MTCL1: variants seen among roughly 807,000 people sequenced by gnomAD.
MTCL1 encodes the protein microtubule cross-linking factor 1.
A neutral mutation model predicts 141.4 loss-of-function variants in MTCL1; 79 were observed. The ratio of observed to expected loss-of-function variants is 0.56; its 90% CI spans 0.47 to 0.67. The LOEUF (loss-of-function observed/expected upper bound fraction) is 0.67, where lower values mean the gene tolerates loss of function less well. Among genes scored for constraint, MTCL1 ranks in the 30% least tolerant of loss-of-function variants. The probability of loss-of-function intolerance (pLI) is 0.00; values close to 1 mark genes in which losing one functional copy is unlikely to be tolerated. For synonymous variants in MTCL1, 914 were observed against 875.8 expected (o/e 1.04, Z -0.77); for missense variants, 2,177 against 2,113.9 (o/e 1.03, Z -0.59).
intron 5 of MTCL1, among the ~76,000 whole-genome samples, chr18:8,778,988 G>A (rs543319981): frequency 5.3e-5 from 8 of 152,316 alleles, no homozygotes; most frequent in African/African-American, 1.4e-4. Context: ...GCGTTGAGCC[G>A]CCCACCCAGC....
At chr18:8,787,606 C>A (rs542255299) in intron 7 of MTCL1, among the ~76,000 whole-genome samples, 78 of 152,360 alleles carry the variant, frequency 5.1e-4, no homozygotes, top group African/African-American at 1.8e-3. Flanking sequence ...CATCTAGTTT[C>A]TTTTAATTTT....
intron 4 of MTCL1, among the ~76,000 whole-genome samples, chr18:8,755,501 A>G (rs925999475): frequency 6.6e-6 from 1 of 152,062 alleles, no homozygotes; most frequent in African/African-American, 2.4e-5. Context: ...TCCCAGGAGC[A>G]CTTCAGGGAC....
chr18:8,799,938 G>A (rs1280676048), intron 10 of MTCL1, among the ~76,000 whole-genome samples: 1 of 152,228 alleles, frequency 6.6e-6, no homozygotes, highest in East Asian at 1.9e-4. Flanking sequence ...CGAAAGTGGA[G>A]ATGGACCCGT....
exon 1 of MTCL1, chr18:8,706,552 G>A: frequency 7.1e-7 from 1 of 1,399,278 alleles, no homozygotes; most frequent in Non-Finnish European, 9.3e-7. Context: ...GGGGCCCGGC[G>A]TGGCGGAGGA....
At chr18:8,745,130 A>G (rs886795417) in intron 4 of MTCL1, among the ~76,000 whole-genome samples, 4 of 152,248 alleles carry the variant, frequency 2.6e-5, no homozygotes, top group African/African-American at 9.6e-5. Flanking sequence ...CATTATTTTT[A>G]TGATTAAAAA....
intron 12 of MTCL1, among the ~76,000 whole-genome samples, chr18:8,815,473 G>C (rs1428722107): frequency 1.3e-5 from 2 of 152,012 alleles, no homozygotes; most frequent in Non-Finnish European, 2.9e-5. Flanking sequence ...ACTGTTGTGG[G>C]GTGCGGGGAG....
chr18:8,709,394 A>G (rs958794273), intron 1 of MTCL1, among the ~76,000 whole-genome samples: 1 of 152,044 alleles, frequency 6.6e-6, no homozygotes, highest in Non-Finnish European at 1.5e-5. Flanking sequence ...GGGTCTGGCT[A>G]TGTTGTCCAG....
rs1472673998 is a variant in MTCL1, at chr18:8,710,921, G to C, written c.1053+4208G>C. 1.1e-3 allele frequency among the ~76,000 whole-genome samples: 142 copies of C among 126,304 alleles called. 1 individual carries two copies. The highest frequency in any genetic ancestry group is 4.1e-3 in the African/African-American group (136 of 32,992). The allele number at this position is 126,304 out of a possible 152,430, so 82.9% of individuals were successfully genotyped here. ...TTTTTTATTATACTTTAAGTTTTAG[G>C]GTACATGTGCACATTGTGCAGGTTA... On this transcript the variant is annotated intron_variant, in intron 1 of 13. Coordinates refer to the MTCL1 transcript ENST00000306329.
rs2096059031 is a variant in MTCL1, at chr18:8,706,567, CG to C, written c.912del (p.Arg305AlafsTer50). ...GGGGCCCGGCGTGGCGGAGGATGTC[CG>C]GGGGCGCTCGCCACCGGAGCGACCA... On this transcript the variant is annotated frameshift_variant, in exon 1 of 14. Coordinates refer to the MTCL1 transcript ENST00000306329. LOFTEE classifies it high-confidence loss of function. 4 of 1,439,890 alleles carry C rather than the reference CG, an allele frequency of 2.8e-6. No homozygotes were observed. The highest frequency in any genetic ancestry group is 1.5e-5 in the African/African-American group (1 of 66,944). The allele number at this position is 1,439,890 out of a possible 1,614,324, so 89.2% of individuals were successfully genotyped here. A position where few individuals can be genotyped will look rare whatever the true frequency, so the allele number is the denominator to read the frequency against.
exon 15 of MTCL1, chr18:8,825,389 T>C (rs1478558423): frequency 6.5e-7 from 1 of 1,540,484 alleles, no homozygotes; most frequent in East Asian, 2.3e-5. Context: ...CTGTCAGGAA[T>C]GCCATCTGCT....
At chr18:8,710,558 A>G (rs1324208832) in intron 1 of MTCL1, among the ~76,000 whole-genome samples, 2 of 150,096 alleles carry the variant, frequency 1.3e-5, no homozygotes, top group Non-Finnish European at 1.5e-5. Flanking sequence ...TTGAAAGTGT[A>G]CCTGGATGAC....
chr18:8,824,835 A>G (rs1004563802), exon 15 of MTCL1: 1 of 1,614,074 alleles, frequency 6.2e-7, no homozygotes. Context: ...CCTCAAGTAC[A>G]TCGAGGAGTT....
At chr18:8,791,280 G>C (rs1314303442) in intron 7 of MTCL1, among the ~76,000 whole-genome samples, 2 of 152,130 alleles carry the variant, frequency 1.3e-5, no homozygotes, top group East Asian at 1.9e-4. Context: ...TCTGGATCAG[G>C]AGTGGGAGGA....
At chr18:8,789,291 T>C in intron 7 of MTCL1, 1 of 417,110 alleles carries the variant, frequency 2.4e-6, no homozygotes, top group Non-Finnish European at 3.2e-6. Flanking sequence ...CCTCATGTAC[T>C]GCTTTTGAAA....
intron 4 of MTCL1, among the ~76,000 whole-genome samples, chr18:8,747,277 G>A (rs1311337572): frequency 6.6e-6 from 1 of 152,034 alleles, no homozygotes; most frequent in Non-Finnish European, 1.5e-5. Context: ...TCCAAGATCA[G>A]GGTGCCTGCA....
chr18:8,723,327 A>G (rs685385), intron 4 of MTCL1, among the ~76,000 whole-genome samples: 53,563 of 152,128 alleles, frequency 0.35, 9,865 homozygotes, highest in Admixed American at 0.48. Flanking sequence ...TGCAAAAGCC[A>G]GTACAAACAG....
intron 4 of MTCL1, among the ~76,000 whole-genome samples, chr18:8,773,228 G>T (rs771806255): frequency 1.3e-5 from 2 of 152,112 alleles, no homozygotes; most frequent in Non-Finnish European, 2.9e-5. Flanking sequence ...GTAAGGCCAA[G>T]TTGCACCACC....
chr18:8,716,255 T>C (rs2096127550), upstream of MTCL1, among the ~76,000 whole-genome samples: 1 of 152,252 alleles, frequency 6.6e-6, no homozygotes, highest in African/African-American at 2.4e-5. Context: ...GTTTCTTCTT[T>C]AACATCTGTT....
At chr18:8,786,490 T>C in intron 7 of MTCL1, 3 of 390,242 alleles carry the variant, frequency 7.7e-6, no homozygotes, top group South Asian at 5.7e-5. Context: ...CCTTTTCAGC[T>C]CTTTGTTGCC....
Sources: allele counts gnomAD v4.1 joint callset (sites outside exome capture counted in the v4.1 genomes callset), GRCh38; gene constraint gnomAD v4.1.1; transcripts MANE v1.5; gene names NCBI Gene and HGNC (gene_info 2026-07-23, HGNC 2026-07-21).